Variants in ARHGAP24 observed in about 807,000 individuals in gnomAD.
The protein encoded by ARHGAP24 is rho GTPase-activating protein 24.
A neutral mutation model predicts 76.4 loss-of-function variants in ARHGAP24; 50 were observed. That is an observed-to-expected ratio of 0.65 (90% CI 0.52 to 0.83). The LOEUF (loss-of-function observed/expected upper bound fraction) is 0.83. Among genes scored for constraint, ARHGAP24 ranks in the 40% least tolerant of loss-of-function variants. The probability of loss-of-function intolerance (pLI) is 0.00; values close to 1 mark genes in which losing one functional copy is unlikely to be tolerated. For synonymous variants in ARHGAP24, 345 were observed against 323.3 expected, an observed-to-expected ratio of 1.07 and a Z score of -0.72; for missense variants, 930 against 914.2, an observed-to-expected ratio of 1.02 and a Z score of -0.22.
At chr4:85,938,824 C>T (rs1473617503) in intron 4 of ARHGAP24, among the ~76,000 whole-genome samples, 1 of 151,772 alleles carries the variant, frequency 6.6e-6, no homozygotes, top group Admixed American at 6.6e-5. Flanking sequence ...GAGTATTTTC[C>T]TTCTCTTTTT....
chr4:85,805,868 T>C (rs909313683), intron 3 of ARHGAP24, among the ~76,000 whole-genome samples: 2 of 152,148 alleles, frequency 1.3e-5, no homozygotes, highest in Non-Finnish European at 2.9e-5. Context: ...ATTTGGAAAT[T>C]TAATGTAAAT....
chr4:85,724,497 A>G (rs1368282172), intron 3 of ARHGAP24, among the ~76,000 whole-genome samples: 9 of 6,156 alleles, frequency 1.5e-3, no homozygotes, highest in African/African-American at 2.3e-3. Flanking sequence ...GTGTGTATAT[A>G]TATATATATA....
chr4:85,852,944 G>A (rs1367752981), intron 3 of ARHGAP24, among the ~76,000 whole-genome samples: 1 of 152,234 alleles, frequency 6.6e-6, no homozygotes, highest in Non-Finnish European at 1.5e-5. Context: ...ACCCACTTGA[G>A]GAGGCAGTCT....
chr4:85,993,176 G>A (rs1740438004), intron 8 of ARHGAP24, among the ~76,000 whole-genome samples: 1 of 152,162 alleles, frequency 6.6e-6, no homozygotes. Flanking sequence ...ATCACCTGGG[G>A]ATTCTGATTC....
At chr4:85,930,817 G>A (rs2148816873) in intron 4 of ARHGAP24, 1 of 1,555,074 alleles carries the variant, frequency 6.4e-7, no homozygotes, top group Non-Finnish European at 8.7e-7. Flanking sequence ...AAATTCTAGG[G>A]ATCAGCACTT....
chr4:85,972,755 C>A (rs1335007964), intron 6 of ARHGAP24, among the ~76,000 whole-genome samples: 1 of 152,156 alleles, frequency 6.6e-6, no homozygotes, highest in South Asian at 2.1e-4. Context: ...CCTTTTTCCC[C>A]AGCGCTTGGC....
chr4:85,513,115 A>G (rs9307000), intron 1 of ARHGAP24, among the ~76,000 whole-genome samples: 40,794 of 152,188 alleles, frequency 0.27, 6,640 homozygotes, highest in African/African-American at 0.47. Flanking sequence ...GAGAGCAATA[A>G]TAGCTGCTGG....
intron 4 of ARHGAP24, among the ~76,000 whole-genome samples, chr4:85,925,977 G>A (rs1736001713): frequency 1.3e-5 from 2 of 151,584 alleles, no homozygotes; most frequent in African/African-American, 2.4e-5. Flanking sequence ...ATATATTTTT[G>A]TTGAGGGATT....
chr4:85,965,939 G>C (rs1243926430), intron 5 of ARHGAP24, among the ~76,000 whole-genome samples: 1 of 152,146 alleles, frequency 6.6e-6, no homozygotes, highest in African/African-American at 2.4e-5. Flanking sequence ...AAGTAGACTT[G>C]GGGGTTGTTT....
At chr4:85,933,252 T>G (rs1002296334) in intron 4 of ARHGAP24, among the ~76,000 whole-genome samples, 1 of 152,178 alleles carries the variant, frequency 6.6e-6, no homozygotes, top group Non-Finnish European at 1.5e-5. Context: ...ACGTGGCTAC[T>G]TTTCCTGATC....
At chr4:85,950,774 G>A (rs560556272) in intron 5 of ARHGAP24, among the ~76,000 whole-genome samples, 3 of 151,578 alleles carry the variant, frequency 2.0e-5, no homozygotes, top group South Asian at 2.1e-4. Context: ...GGGTTCAAGC[G>A]ATTCTCCTGC....
At chr4:85,862,980 A>T (rs1731986253) in intron 3 of ARHGAP24, among the ~76,000 whole-genome samples, 1 of 152,120 alleles carries the variant, frequency 6.6e-6, no homozygotes. Flanking sequence ...TGCCATTAAA[A>T]CAGGCAAGTA....
rs561911759 is a variant in ARHGAP24 at position 85,622,267 on chromosome 4, C to T, written c.180+51546C>T. 2.1e-3 allele frequency among the ~76,000 whole-genome samples: 208 copies of T among 100,578 alleles called. 1 individual carries two copies. Among genetic ancestry groups the T allele is most frequent in the African/African-American group, 7.5e-3 (203 of 27,030 alleles). The allele number at this position is 100,578 out of a possible 152,430, so 66.0% of individuals were successfully genotyped here. ...CCCCCCTCCCCCCACCCCAAACAGT[C>T]CCCGGTGTGTGATGTTCCCCTTCCT... On this transcript the variant is annotated intron_variant, in intron 2 of 9. Coordinates refer to ENST00000395184, the MANE Select transcript of ARHGAP24 (RefSeq NM_001025616.3).
chr4:85,789,938 T>C (rs536512751), intron 3 of ARHGAP24, among the ~76,000 whole-genome samples: 3 of 152,350 alleles, frequency 2.0e-5, no homozygotes, highest in Non-Finnish European at 2.9e-5. Context: ...CTTACGTTTC[T>C]GGACTGTCTT....
chr4:85,830,207 A>G (rs1350368105), intron 3 of ARHGAP24, among the ~76,000 whole-genome samples: 1 of 152,132 alleles, frequency 6.6e-6, no homozygotes, highest in Non-Finnish European at 1.5e-5. Flanking sequence ...CATTTGCTGA[A>G]CCTTCTTTCT....
intron 1 of ARHGAP24, among the ~76,000 whole-genome samples, chr4:85,507,346 T>C (rs1322337528): frequency 6.6e-6 from 1 of 152,216 alleles, no homozygotes; most frequent in Non-Finnish European, 1.5e-5. Context: ...CTCAGCCTCC[T>C]GAATAGCTAG....
intron 2 of ARHGAP24, among the ~76,000 whole-genome samples, chr4:85,585,592 A>T (rs1727824198): frequency 6.6e-6 from 1 of 152,254 alleles, no homozygotes; most frequent in African/African-American, 2.4e-5. Context: ...TGAAGAATAG[A>T]TTTTGGACAT....
At chr4:85,482,396 A>G (rs1011436403) in intron 1 of ARHGAP24, among the ~76,000 whole-genome samples, 29 of 152,150 alleles carry the variant, frequency 1.9e-4, no homozygotes, top group Non-Finnish European at 2.4e-4. Flanking sequence ...TTCAGTACCT[A>G]TAAGATTAGG....
intron 4 of ARHGAP24, among the ~76,000 whole-genome samples, chr4:85,936,308 G>A (rs1032848414): frequency 2.6e-5 from 4 of 152,156 alleles, no homozygotes; most frequent in Non-Finnish European, 5.9e-5. Context: ...CTATAATTGG[G>A]GAGGTAAAGT....
Sources: allele counts gnomAD v4.1 joint callset (sites outside exome capture counted in the v4.1 genomes callset), GRCh38; gene constraint gnomAD v4.1.1; transcripts MANE v1.5; gene names NCBI Gene and HGNC (gene_info 2026-07-23, HGNC 2026-07-21).